The following FERMT3 variants were observed in gnomAD, a reference collection of about 807,000 sequenced individuals.
FERMT3 encodes fermitin family homolog 3.
Under a neutral mutation model 80.8 loss-of-function variants are expected in FERMT3, and 33 were observed. That is an observed-to-expected ratio of 0.41 (90% confidence interval 0.31 to 0.55). The LOEUF is 0.55. Ranked by LOEUF, FERMT3 falls within the 20% of genes least tolerant of loss-of-function variation. The probability of loss-of-function intolerance (pLI) is 0.31; values close to 1 mark genes in which losing one functional copy is unlikely to be tolerated. For missense variants in FERMT3, 754 were observed against 908.7 expected (o/e 0.83, Z 2.19); for synonymous variants, 375 against 372.2 (o/e 1.01, Z -0.09).
rs1405191023 is a variant in FERMT3 at position 64,219,848 on chromosome 11, A to G, written c.1080-43A>G. The G allele has an allele frequency of 1.1e-5, 17 of 1,613,562 alleles. No individual in the cohort carries two copies. In the Admixed American group the frequency reaches 1.8e-4, roughly 17 times the overall value. ...GAGGGGTTGGTCTGCATATGGAGGG[A>G]GGGGGTGAGGCGGCCTTTCACAAAC... On this transcript the variant is annotated intron_variant, in intron 9 of 14. Coordinates refer to ENST00000345728, the MANE Select transcript of FERMT3 (RefSeq NM_031471.6). The surrounding 1 kb of genome is among the most constrained non-coding windows in gnomAD (Gnocchi z 4.0).
Position 64,222,994 on chromosome 11 carries a change from G to T in FERMT3, c.1671-54G>T. 3.1e-6 allele frequency: 5 copies of T among 1,609,884 alleles called. No homozygotes were observed. The South Asian group carries it at 5.5e-5, about 18-fold the overall frequency. Reference sequence around the variant, plus strand: ...AGCACGGCGCCACATTGTCTGGGCGGGCTCTGGCCATGCAGGGTGGAGCCC... The same window carrying T: ...AGCACGGCGCCACATTGTCTGGGCGTGCTCTGGCCATGCAGGGTGGAGCCC... On this transcript the variant is annotated intron_variant, in intron 13 of 14. Transcript: ENST00000345728.
In FERMT3 at chr11:64,211,056, C is replaced by T. The variant is rs1946424107; in HGVS notation, c.399C>T (p.Ile133=). The T allele has an allele frequency of 6.3e-7, 1 of 1,598,432 alleles. No individual in the cohort carries two copies. The highest frequency in any genetic ancestry group is 8.5e-7 in the Non-Finnish European group (1 of 1,172,728). The change falls in exon 4 of 15, where the codon ATC becomes ATT. Residue 133 remains isoleucine, a synonymous_variant. Transcript: ENST00000345728. The surrounding 1 kb of genome is among the most constrained non-coding windows in gnomAD (Gnocchi z 4.7). ...TGAGACCCTAGCTCCCCTCAGGCAT[C>T]CGGCACCCCGAGGAGCTGTCCCTGC... is the stretch of plus-strand genomic sequence containing the variant. ...AVAAICRLLS[I]RHPEELSLLR...
intron 6 of FERMT3, among the ~76,000 whole-genome samples, chr11:64,214,922 C>G (rs1267737675): frequency 6.6e-6 from 1 of 151,918 alleles, no homozygotes; most frequent in Non-Finnish European, 1.5e-5. Context: ...CCTGCCTCAG[C>G]CTCCCACATA....
At chr11:64,212,333 C>A (rs536520505) in intron 6 of FERMT3, among the ~76,000 whole-genome samples, 1 of 152,236 alleles carries the variant, frequency 6.6e-6, no homozygotes, top group Non-Finnish European at 1.5e-5. Context: ...TACCTGTAGG[C>A]CCCACCTCTC....
At chr11:64,218,064 C>T (rs1014565813) in intron 6 of FERMT3, among the ~76,000 whole-genome samples, 1 of 136,662 alleles carries the variant, frequency 7.3e-6, no homozygotes, top group Non-Finnish European at 1.5e-5. Flanking sequence ...AGTGCAGTGG[C>T]ACGATCTCGG....
At position 64,223,709 on chromosome 11, in the gene FERMT3, G is replaced by A. The variant is rs1946780798; in HGVS notation, c.*217G>A. 5 of 752,996 alleles carry A rather than the reference G, an allele frequency of 6.6e-6. No individual in the cohort carries two copies. Among genetic ancestry groups the A allele is most frequent in the Middle Eastern group, 3.8e-4 (1 of 2,636 alleles). The allele number at this position is 752,996 out of a possible 1,614,324, so 46.6% of individuals were successfully genotyped here. A position where few individuals can be genotyped will look rare whatever the true frequency, so the allele number is the denominator to read the frequency against. On this transcript the variant is annotated 3_prime_UTR_variant, in exon 15 of 15. Transcript: ENST00000345728. ...TGGGGGTGGGGGTCCCTGAGCTCAT[G>A]TGGTGCCCCCTTTCCTTGTCTGAGT...
chr11:64,207,938 C>A (rs954837429), intron 2 of FERMT3: 3 of 171,852 alleles, frequency 1.7e-5, no homozygotes, highest in Non-Finnish European at 3.8e-5. Flanking sequence ...GGTGGGAAGG[C>A]CCTGCCCCCA....
intron 14 of FERMT3, 45 bp downstream of exon 14, chr11:64,223,234 C>T (rs371406294): frequency 9.4e-5 from 151 of 1,613,144 alleles, no homozygotes; most frequent in Middle Eastern, 1.6e-4. Flanking sequence ...AGGTGCAGGC[C>T]GGAGCTGGAT....
Position 64,207,441 on chromosome 11 carries a change from A to C in FERMT3, c.77A>C (p.Asp26Ala). The C allele has an allele frequency of 6.2e-7, 1 of 1,614,018 alleles. No individual in the cohort carries two copies. The highest frequency in any genetic ancestry group is 8.5e-7 in the Non-Finnish European group (1 of 1,179,990). ...CTGCGGGTGTTTGTGGGAGAGGAGG[A>C]CCCAGAGGCCGAGTCGGTCACCCTG... ...WELRVFVGEEDPEAESVTLRV... is the reference protein window; with the variant it reads ...WELRVFVGEEAPEAESVTLRV... The change falls in exon 2 of 15, where the codon GAC becomes GCC. Residue 26 changes from aspartate (D) to alanine (A), a missense_variant. Asp to Ala is a moderately radical substitution (Grantham distance 126). Coordinates refer to ENST00000345728, the MANE Select transcript of FERMT3 (RefSeq NM_031471.6).
In FERMT3 at chr11:64,219,369, G is replaced by A; in HGVS notation, c.894+11G>A. ...TTTGCCGCCCTGCAGGTACCAGGCG[G>A]GCCTGGGGGCACCAGGGCAGGTGGG... On this transcript the variant is annotated intron_variant, in intron 7 of 14. Coordinates refer to ENST00000345728, the MANE Select transcript of FERMT3 (RefSeq NM_031471.6). The surrounding 1 kb of genome is among the most constrained non-coding windows in gnomAD (Gnocchi z 4.0). 1 of 1,584,710 alleles carries A rather than the reference G, an allele frequency of 6.3e-7. No individual in the cohort carries two copies. Among genetic ancestry groups the A allele is most frequent in the Non-Finnish European group, 8.6e-7 (1 of 1,166,070 alleles).
chr11:64,219,116 C>T lies in FERMT3; in HGVS notation c.787-135C>T, dbSNP rs150087437. 1.9e-5 allele frequency: 15 copies of T among 799,254 alleles called. No individual in the cohort carries two copies. In the East Asian group the frequency reaches 3.5e-4, roughly 19 times the overall value. 49.5% of individuals were successfully genotyped at this position (799,254 alleles called of 1,614,324 possible). On this transcript the variant is annotated intron_variant, in intron 6 of 14. Transcript: ENST00000345728. This position sits in a 1 kb window ranked among gnomAD's most constrained non-coding sequence, Gnocchi z 4.0. ...TGGGGTTGAGGTCTGTGGCCCATGT[C>T]TGGCCACTGAATGAATCTGCCTCAG...
intron 6 of FERMT3, among the ~76,000 whole-genome samples, chr11:64,215,007 A>T (rs575685299): frequency 6.6e-5 from 10 of 151,958 alleles, no homozygotes; most frequent in African/African-American, 2.4e-4. Flanking sequence ...ATGGGATTTC[A>T]CCATGTTGGC....
At chr11:64,212,750 G>GCTCTGCTCTGGGC in intron 6 of FERMT3, among the ~76,000 whole-genome samples, 1 of 151,842 alleles carries the variant, frequency 6.6e-6, no homozygotes, top group South Asian at 2.1e-4. Flanking sequence ...TCTGCCCCAG[G>GCTCTGCTCTGGGC]CTCTGCTCTG....
At position 64,211,544 on chromosome 11, in the gene FERMT3, G is replaced by C; in HGVS notation, c.683+101G>C. On this transcript the variant is annotated intron_variant, in intron 5 of 14. Coordinates refer to ENST00000345728, the MANE Select transcript of FERMT3 (RefSeq NM_031471.6). This position sits in a 1 kb window ranked among gnomAD's most constrained non-coding sequence, Gnocchi z 4.7. ...ACCCCAGATCCACACTTCGTTTCCA[G>C]GCCTTTTCTCTGTGTGTGCTTGTCC... 1.3e-6 allele frequency: 2 copies of C among 1,513,830 alleles called. No individual in the cohort carries two copies. The highest frequency in any genetic ancestry group is 2.4e-5 in the South Asian group (2 of 84,172). The allele number at this position is 1,513,830 out of a possible 1,614,324, so 93.8% of individuals were successfully genotyped here. A position where few individuals can be genotyped will look rare whatever the true frequency, so the allele number is the denominator to read the frequency against.
rs187514956 is a variant in FERMT3, at chr11:64,220,251, C to A, written c.1236C>A (p.Ser412=). Residue 412 remains serine (S), a synonymous_variant, in exon 11 of 15, where the codon TCC becomes TCA. Transcript: ENST00000345728. ...GCEVVPDVNV[S]GQKFCIKLLV... is the part of the protein sequence containing the mutation. ...AGGTGGTTCCCGATGTTAACGTCTCCGGCCAGAAGTTCTGCATTAAACTCC... is the reference window on the plus strand; with the variant it reads ...AGGTGGTTCCCGATGTTAACGTCTCAGGCCAGAAGTTCTGCATTAAACTCC... 1 of 1,613,948 alleles carries A rather than the reference C, an allele frequency of 6.2e-7. No individual in the cohort carries two copies. Among genetic ancestry groups the A allele is most frequent in the Non-Finnish European group, 8.5e-7 (1 of 1,180,018 alleles).
chr11:64,210,863 T>G lies in FERMT3; in HGVS notation c.394+19T>G, dbSNP rs577349974. On this transcript the variant is annotated intron_variant, in intron 3 of 14. Transcript: ENST00000345728. The surrounding 1 kb of genome is among the most constrained non-coding windows in gnomAD (Gnocchi z 4.3). ...CTCCTCAGTAAGTTGCCCGGCTGAT[T>G]CCCCTGGCCCACGAGGGTGATGCAA... 5 of 1,610,184 alleles carry G rather than the reference T, an allele frequency of 3.1e-6. No homozygotes were observed. The Admixed American group carries it at 8.3e-5, about 27-fold the overall frequency.
In FERMT3 at chr11:64,210,770, G is replaced by A. The variant is rs138704967; in HGVS notation, c.320G>A (p.Arg107His). 5.5e-4 allele frequency: 884 copies of A among 1,614,014 alleles called. 3 individuals carry two copies. Among genetic ancestry groups the A allele is most frequent in the South Asian group, 1.4e-3 (127 of 91,076 alleles). ...CCCGTCATCCTTCGGTTGCCCAACC[G>A]CCGCGCACTGCGCCTCCGTGCCAGC... is the stretch of plus-strand genomic sequence containing the variant. ...HRPVILRLPNRRALRLRASFS... is the reference protein window; with the variant it reads ...HRPVILRLPNHRALRLRASFS... The change falls in exon 3 of 15, where the codon CGC becomes CAC. Residue 107 changes from arginine to histidine, a missense_variant. Physicochemically the swap from Arg to His is conservative, Grantham distance 29 (BLOSUM62 0). Coordinates refer to ENST00000345728, the MANE Select transcript of FERMT3 (RefSeq NM_031471.6). This position sits in a 1 kb window ranked among gnomAD's most constrained non-coding sequence, Gnocchi z 4.3.
In FERMT3 at chr11:64,211,866, C is replaced by T. The variant is rs555471361; in HGVS notation, c.786+119C>T. 73 of 941,712 alleles carry T rather than the reference C, an allele frequency of 7.8e-5. 1 individual carries two copies. Among genetic ancestry groups the T allele is most frequent in the Non-Finnish European group, 1.7e-6 (1 of 594,380 alleles). The allele number at this position is 941,712 out of a possible 1,614,324, so 58.3% of individuals were successfully genotyped here. ...GTGGCCTGTCCGTCTGCCCGTTTGT[C>T]CATCCACACCTTTGTTTACTGACCC... On this transcript the variant is annotated intron_variant, in intron 6 of 14. Coordinates refer to ENST00000345728, the MANE Select transcript of FERMT3 (RefSeq NM_031471.6). The surrounding 1 kb of genome is among the most constrained non-coding windows in gnomAD (Gnocchi z 4.7).
chr11:64,220,412 G>T (rs748157591), intron 11 of FERMT3, 24 bp from the exon 12 acceptor site: 145 of 1,609,568 alleles, frequency 9.0e-5, no homozygotes, highest in Non-Finnish European at 1.2e-4. Flanking sequence ...GGTTAGCACT[G>T]TCCCCCTCAC....
Sources: allele counts gnomAD v4.1 joint callset (sites outside exome capture counted in the v4.1 genomes callset), GRCh38; gene constraint gnomAD v4.1.1; non-coding constraint Gnocchi (gnomAD v3.1); transcripts MANE v1.5; gene names NCBI Gene and HGNC (gene_info 2026-07-23, HGNC 2026-07-21).